Variants in HIVEP3 observed in about 807,000 individuals in gnomAD.
HIVEP3 encodes HIVEP zinc finger 3, also known as transcription factor HIVEP3.
Under a neutral mutation model 152.8 loss-of-function variants are expected in HIVEP3, and 49 were observed. The ratio of observed to expected loss-of-function variants is 0.32; its 90% CI spans 0.26 to 0.41. HIVEP3 has a LOEUF of 0.41. Among genes scored for constraint, HIVEP3 ranks in the 10% least tolerant of loss-of-function variants. The pLI is 1.00. For missense variants in HIVEP3, 2,790 were observed against 3,103.3 expected (o/e 0.90, Z 2.40); for synonymous variants, 1,269 against 1,289.0 (o/e 0.98, Z 0.33).
rs562291982 is a variant in HIVEP3, at chr1:42,026,717, A to G, written n.119+9090T>C. On this transcript the variant is annotated intron_variant and non_coding_transcript_variant, in intron 1 of 3. Transcript: ENST00000489103. ...CAGAGACAGAGTACTTCCTACAAAT[A>G]TGGCAGCCTGCCTATATGATTCTTT... 4.6e-5 allele frequency among the ~76,000 whole-genome samples: 7 copies of G among 152,274 alleles called. No homozygotes were observed. In the South Asian group the frequency reaches 1.5e-3, roughly 32 times the overall value.
intron 1 of HIVEP3, among the ~76,000 whole-genome samples, chr1:42,015,894 C>T (rs934214133): frequency 2.0e-5 from 3 of 152,270 alleles, no homozygotes; most frequent in South Asian, 2.1e-4. Context: ...GCAATGGCTA[C>T]GTCTGCTTTC....
intron 1 of HIVEP3, among the ~76,000 whole-genome samples, chr1:41,913,393 C>T (rs991265282): frequency 1.3e-5 from 2 of 152,110 alleles, no homozygotes; most frequent in Non-Finnish European, 2.9e-5. Flanking sequence ...TTTATCAGGG[C>T]ATCTCTGATC....
chr1:41,818,893 T>C (rs1201557746), intron 1 of HIVEP3, among the ~76,000 whole-genome samples: 1 of 152,124 alleles, frequency 6.6e-6, no homozygotes, highest in Non-Finnish European at 1.5e-5. Flanking sequence ...GGGAGAGGTG[T>C]TAAGTAATTC....
chr1:41,638,282 G>GAA (rs759889312), intron 2 of HIVEP3, among the ~76,000 whole-genome samples: 2 of 146,758 alleles, frequency 1.4e-5, no homozygotes, highest in South Asian at 2.2e-4. Context: ...AAGAAAGAAA[G>GAA]AGGAAGGAAG....
intron 1 of HIVEP3, among the ~76,000 whole-genome samples, chr1:41,910,832 C>A (rs1410937974): frequency 6.6e-6 from 1 of 151,904 alleles, no homozygotes; most frequent in Non-Finnish European, 1.5e-5. Context: ...AACTACAGAA[C>A]AGGAGTAGTT....
At chr1:41,954,334 T>A (rs2124493441) in intron 1 of HIVEP3, among the ~76,000 whole-genome samples, 1 of 152,366 alleles carries the variant, frequency 6.6e-6, no homozygotes, top group East Asian at 1.9e-4. Flanking sequence ...CTAGCATGCA[T>A]AAAAGGACAG....
intron 1 of HIVEP3, among the ~76,000 whole-genome samples, chr1:42,035,359 C>G (rs1227964292): frequency 2.0e-5 from 3 of 152,242 alleles, no homozygotes; most frequent in Non-Finnish European, 4.4e-5. Flanking sequence ...ACGCGGCTGG[C>G]AAGGCGCATC....
rs1259172611 is a variant in HIVEP3 at position 41,575,604 on chromosome 1, T to C, written c.5147A>G (p.Glu1716Gly). The C allele has an allele frequency of 1.9e-6, 3 of 1,613,864 alleles. No individual in the cohort carries two copies. In the Admixed American group the frequency reaches 5.0e-5, roughly 27 times the overall value. The change falls in exon 5 of 9, where the codon GAG (glutamate) becomes GGG (glycine). Residue 1716 changes from glutamate (E) to glycine (G), a missense_variant. Physicochemically the swap from Glu to Gly is moderately conservative, Grantham distance 98. Transcript: ENST00000372583. ...EKEEERRGEP[E>G]EDAPASQRGE... The stretch of plus-strand genomic sequence containing the variant: ...TCTCTGGGAGGCAGGAGCATCCTCC[T>C]CCGGCTCCCCTCTCCTCTCTTCTTC...
Position 41,583,105 on chromosome 1 carries a change from C to T in HIVEP3, c.1693G>A (p.Asp565Asn), listed in dbSNP as rs143866750. 46 of 1,613,406 alleles carry T rather than the reference C, an allele frequency of 2.9e-5. No individual in the cohort carries two copies. The highest frequency in any genetic ancestry group is 3.7e-5 in the Non-Finnish European group (44 of 1,179,800). The change falls in exon 4 of 9, where the codon GAC (aspartate) becomes AAC (asparagine). Residue 565 changes from aspartate to asparagine, a missense_variant. Around this residue, in one of 9 missense-constraint regions of HIVEP3, gnomAD observed 339 missense variants for 327.0 expected, o/e 1.04. Coordinates refer to ENST00000372583, the MANE Select transcript of HIVEP3 (RefSeq NM_024503.5). This position sits in a 1 kb window ranked among gnomAD's most constrained non-coding sequence, Gnocchi z 6.9. Reference sequence around the variant, plus strand: ...AGGGCTTCGGAGTCGGTGATATGGTCATCGAAGGAGTAGCTACCTCGGAAG... The same window carrying T: ...AGGGCTTCGGAGTCGGTGATATGGTTATCGAAGGAGTAGCTACCTCGGAAG... ...HPFRGSYSFD[D>N]HITDSEALSH...
chr1:41,515,711 C>T (rs1642586170), intron 7 of HIVEP3, among the ~76,000 whole-genome samples: 1 of 152,234 alleles, frequency 6.6e-6, no homozygotes, highest in Non-Finnish European at 1.5e-5. Context: ...AGCACTACCA[C>T]TTCCTTGCTG....
intron 5 of HIVEP3, among the ~76,000 whole-genome samples, chr1:41,559,291 T>G (rs891510017): frequency 2.6e-5 from 4 of 152,140 alleles, no homozygotes; most frequent in African/African-American, 9.7e-5. Flanking sequence ...TCGTGCTGTA[T>G]TATCATTTAA....
At chr1:41,818,430 G>T (rs2124338280) in intron 1 of HIVEP3, among the ~76,000 whole-genome samples, 1 of 152,274 alleles carries the variant, frequency 6.6e-6, no homozygotes, top group Middle Eastern at 3.4e-3. Context: ...GACCCAGAAA[G>T]CTCACTCCCA....
chr1:41,686,404 G>A (rs907911656), intron 2 of HIVEP3, among the ~76,000 whole-genome samples: 1 of 152,164 alleles, frequency 6.6e-6, no homozygotes, highest in African/African-American at 2.4e-5. Flanking sequence ...CACCACTTAA[G>A]TAATCTCCTC....
At chr1:41,625,751 A>G (rs980234780) in intron 3 of HIVEP3, among the ~76,000 whole-genome samples, 7 of 152,190 alleles carry the variant, frequency 4.6e-5, no homozygotes. Flanking sequence ...ATAAATAAAT[A>G]AAGTCTTTTG....
At chr1:41,948,101 A>G (rs1443724696) in intron 1 of HIVEP3, among the ~76,000 whole-genome samples, 1 of 152,230 alleles carries the variant, frequency 6.6e-6, no homozygotes, top group Non-Finnish European at 1.5e-5. Context: ...GGGACTTTTT[A>G]GAGGTCTCCT....
At chr1:42,006,173 A>G (rs1645458225) in intron 1 of HIVEP3, among the ~76,000 whole-genome samples, 1 of 152,196 alleles carries the variant, frequency 6.6e-6, no homozygotes, top group African/African-American at 2.4e-5. Context: ...AAGATATGAC[A>G]GAAGACCAAG....
At chr1:41,600,688 G>A (rs938529982) in intron 3 of HIVEP3, among the ~76,000 whole-genome samples, 1 of 152,144 alleles carries the variant, frequency 6.6e-6, no homozygotes, top group African/African-American at 2.4e-5. Context: ...TCAATGTTAT[G>A]TCTATTTTAC....
intron 3 of HIVEP3, among the ~76,000 whole-genome samples, chr1:41,589,125 G>GAAAAGAGC (rs1476663164): frequency 1.3e-5 from 2 of 152,214 alleles, no homozygotes; most frequent in East Asian, 3.8e-4. Flanking sequence ...AAGTGATAAA[G>GAAAAGAGC]AAAAGAGCCA....
chr1:41,906,447 C>T (rs1343585287), intron 1 of HIVEP3, among the ~76,000 whole-genome samples: 1 of 152,042 alleles, frequency 6.6e-6, no homozygotes, highest in Non-Finnish European at 1.5e-5. Flanking sequence ...AAAAAGGGTG[C>T]ATATTTTATG....
Sources: gnomAD v4.1 joint callset for allele counts (sites outside exome capture counted in the v4.1 genomes callset) on GRCh38, gnomAD v4.1.1 for gene constraint, gnomAD v4.1.1 regional missense constraint, Gnocchi (gnomAD v3.1) non-coding constraint, MANE v1.5 for transcripts, NCBI Gene and HGNC (gene_info 2026-07-23, HGNC 2026-07-21) for gene names.